Variants in DDX10 observed in about 807,000 individuals in gnomAD.
DDX10 encodes probable ATP-dependent RNA helicase DDX10.
A neutral mutation model predicts 104.3 loss-of-function variants in DDX10; 74 were observed. The ratio of observed to expected loss-of-function variants is 0.71; its 90% CI spans 0.59 to 0.86. The LOEUF (loss-of-function observed/expected upper bound fraction) is 0.86. Ranked by LOEUF, DDX10 falls within the 40% of genes least tolerant of loss-of-function variation. The pLI, the probability that DDX10 is intolerant of heterozygous loss-of-function variation, is 0.00. For missense variants in DDX10, 952 were observed against 1,040.0 expected, an observed-to-expected ratio of 0.92 and a Z score of 1.16; for synonymous variants, 351 against 353.4, an observed-to-expected ratio of 0.99 and a Z score of 0.08.
chr11:108,896,033 G>A (rs747774125), intron 16 of DDX10, among the ~76,000 whole-genome samples: 70 of 152,044 alleles, frequency 4.6e-4, no homozygotes, highest in Middle Eastern at 3.2e-3. Flanking sequence ...AAATGTAATC[G>A]TTCAGAGGAA....
intron 7 of DDX10, among the ~76,000 whole-genome samples, chr11:108,690,117 G>A (rs2094250145): frequency 6.6e-6 from 1 of 152,044 alleles, no homozygotes. Context: ...CCAGTCTCCT[G>A]GGAGCATTCC....
intron 17 of DDX10, among the ~76,000 whole-genome samples, chr11:108,934,980 C>CT (rs143026501): frequency 0.012 from 1,854 of 152,246 alleles, 23 homozygotes; most frequent in Admixed American, 0.021. Flanking sequence ...GAAATGTTGC[C>CT]TTTTTTGTTG....
chr11:108,721,423 T>G lies in DDX10; in HGVS notation c.1499+1538T>G, dbSNP rs549920710. Among the ~76,000 whole-genome samples the G allele has an allele frequency of 2.0e-4, 30 of 152,312 alleles. No individual in the cohort carries two copies. In the Middle Eastern group the frequency reaches 0.01, roughly 52 times the overall value. On this transcript the variant is annotated intron_variant, in intron 12 of 17. Transcript: ENST00000322536. ...TGGACTTTTGGCTCCCTGTTAATTT[T>G]TATCATGGTTTTCTGATTTGACCTA...
intron 15 of DDX10, among the ~76,000 whole-genome samples, chr11:108,845,135 GA>G (rs1862697129): frequency 6.6e-6 from 1 of 152,162 alleles, no homozygotes; most frequent in African/African-American, 2.4e-5. Context: ...ATGAACCCGG[GA>G]GGCGGAGCTT....
chr11:108,925,130 C>A (rs1863890883), intron 17 of DDX10, among the ~76,000 whole-genome samples: 1 of 152,126 alleles, frequency 6.6e-6, no homozygotes, highest in African/African-American at 2.4e-5. Flanking sequence ...TGGAGAAACT[C>A]CTGAGGCAGA....
chr11:108,758,660 A>G (rs2094347269), intron 13 of DDX10, among the ~76,000 whole-genome samples: 1 of 151,956 alleles, frequency 6.6e-6, no homozygotes, highest in Non-Finnish European at 1.5e-5. Flanking sequence ...TGTATCTTCA[A>G]AGCCAACAAC....
intron 13 of DDX10, among the ~76,000 whole-genome samples, chr11:108,805,548 A>G (rs527942773): frequency 4.3e-4 from 66 of 152,360 alleles, no homozygotes; most frequent in African/African-American, 1.4e-3. Flanking sequence ...TCAATTTGTT[A>G]AGACTGTTAG....
At chr11:108,670,186 G>A (rs35525430) in intron 1 of DDX10, among the ~76,000 whole-genome samples, 20,904 of 152,168 alleles carry the variant, frequency 0.14, 1,573 homozygotes, top group East Asian at 0.25. Flanking sequence ...TAAGAGATCA[G>A]GTAGGAGACT....
chr11:108,746,515 A>C (rs1261258672), intron 13 of DDX10, among the ~76,000 whole-genome samples: 1 of 152,186 alleles, frequency 6.6e-6, no homozygotes, highest in Non-Finnish European at 1.5e-5. Context: ...ATTGATGTAC[A>C]AATTCCTCAG....
chr11:108,836,670 G>A (rs558774553), intron 13 of DDX10, among the ~76,000 whole-genome samples: 1 of 152,142 alleles, frequency 6.6e-6, no homozygotes, highest in African/African-American at 2.4e-5. Context: ...TATATTTTTA[G>A]TAGATTCGGG....
chr11:108,814,255 A>C (rs765834512), intron 13 of DDX10, among the ~76,000 whole-genome samples: 10 of 152,118 alleles, frequency 6.6e-5, no homozygotes, highest in Non-Finnish European at 1.3e-4. Context: ...TCTAGTTTTA[A>C]TTTTTTAGAT....
At chr11:108,928,700 A>G (rs1863939905) in intron 17 of DDX10, among the ~76,000 whole-genome samples, 1 of 152,198 alleles carries the variant, frequency 6.6e-6, no homozygotes, top group Non-Finnish European at 1.5e-5. Flanking sequence ...GATAATTTTT[A>G]CCTTGCAAAG....
At chr11:108,829,518 G>T (rs1862441015) in intron 13 of DDX10, among the ~76,000 whole-genome samples, 1 of 152,102 alleles carries the variant, frequency 6.6e-6, no homozygotes, top group Non-Finnish European at 1.5e-5. Flanking sequence ...AGATTGTGAA[G>T]ATTTTCTCCC....
At chr11:108,677,282 A>G in intron 4 of DDX10, 39 bp downstream of exon 4, 1 of 1,581,768 alleles carries the variant, frequency 6.3e-7, no homozygotes, top group South Asian at 1.1e-5. Flanking sequence ...TCCTTCTGTA[A>G]CCTATACTGG....
chr11:108,759,690 G>A (rs925323631), intron 13 of DDX10, among the ~76,000 whole-genome samples: 10 of 151,930 alleles, frequency 6.6e-5, no homozygotes, highest in African/African-American at 2.4e-4. Context: ...GGCAGAATTT[G>A]ATTGTGTGTC....
chr11:108,796,993 A>G (rs1861950412), intron 13 of DDX10, among the ~76,000 whole-genome samples: 3 of 152,094 alleles, frequency 2.0e-5, no homozygotes, highest in African/African-American at 7.2e-5. Flanking sequence ...GTGTGAGGAA[A>G]TAAACTTCTG....
At chr11:108,888,382 T>C (rs1863329465) in intron 16 of DDX10, among the ~76,000 whole-genome samples, 1 of 152,196 alleles carries the variant, frequency 6.6e-6, no homozygotes, top group African/African-American at 2.4e-5. Context: ...ATTGTAGTTA[T>C]GTTGGCCAAA....
intron 9 of DDX10, among the ~76,000 whole-genome samples, chr11:108,698,714 C>CTT: frequency 6.6e-6 from 1 of 152,342 alleles, no homozygotes; most frequent in South Asian, 2.1e-4. Flanking sequence ...CCTTCTAAAA[C>CTT]ATAAGTCGGA....
intron 6 of DDX10, among the ~76,000 whole-genome samples, chr11:108,688,015 A>C (rs983611978): frequency 6.6e-6 from 1 of 152,196 alleles, no homozygotes; most frequent in African/African-American, 2.4e-5. Flanking sequence ...AGTGTGTCCT[A>C]GACATCACTC....
Sources: gnomAD v4.1 joint callset for allele counts (sites outside exome capture counted in the v4.1 genomes callset) on GRCh38, gnomAD v4.1.1 for gene constraint, MANE v1.5 for transcripts, NCBI Gene and HGNC (gene_info 2026-07-23, HGNC 2026-07-21) for gene names.